Variants in PHF20L1 observed in about 807,000 individuals in gnomAD.
PHF20L1 encodes the protein PHD finger protein 20 like 1.
A neutral mutation model predicts 125.5 loss-of-function variants in PHF20L1; 44 were observed. The observed-to-expected ratio is 0.35, with a 90% confidence interval of 0.28 to 0.45. The LOEUF is 0.45. Ranked by LOEUF, PHF20L1 falls within the 20% of genes least tolerant of loss-of-function variation. PHF20L1 has a pLI of 1.00. For synonymous variants in PHF20L1, 380 were observed against 403.1 expected, an observed-to-expected ratio of 0.94 and a Z score of 0.69; for missense variants, 1,012 against 1,217.2, an observed-to-expected ratio of 0.83 and a Z score of 2.51.
intron 1 of PHF20L1, among the ~76,000 whole-genome samples, chr8:132,776,183 T>C (rs957363095): frequency 6.6e-6 from 1 of 152,202 alleles, no homozygotes; most frequent in Admixed American, 6.5e-5. Flanking sequence ...TTCAAATCCC[T>C]CTTCATCCTT....
At chr8:132,814,598 A>C (rs1834760902) in intron 9 of PHF20L1, 39 bp from the exon 10 acceptor site, 4 of 1,419,970 alleles carry the variant, frequency 2.8e-6, no homozygotes, top group Admixed American at 2.3e-5. Context: ...AAAATGAAGA[A>C]GCCAAAATAA....
chr8:132,797,542 G>T (rs545181417), intron 4 of PHF20L1, among the ~76,000 whole-genome samples: 1 of 152,148 alleles, frequency 6.6e-6, no homozygotes, highest in African/African-American at 2.4e-5. Context: ...CTGGAATGCT[G>T]TATTGAAGAA....
chr8:132,812,230 A>G (rs62514120), intron 9 of PHF20L1: 135,141 of 980,178 alleles, frequency 0.14, 10,271 homozygotes, highest in Non-Finnish European at 0.15. Flanking sequence ...AGATATAACA[A>G]TATTTTGTAT....
intron 7 of PHF20L1, 70 bp from the exon 8 acceptor site, chr8:132,804,545 C>A (rs1390055642): frequency 1.7e-6 from 2 of 1,192,976 alleles, no homozygotes; most frequent in African/African-American, 1.6e-5. Context: ...TACTATTTTG[C>A]TGTTAAAAAA....
At chr8:132,835,469 T>TG (rs1319335833) in intron 15 of PHF20L1, among the ~76,000 whole-genome samples, 3 of 152,094 alleles carry the variant, frequency 2.0e-5, no homozygotes, top group Admixed American at 6.6e-5. Flanking sequence ...TTTCCATTGT[T>TG]ATAAATAAAG....
chr8:132,812,739 C>T (rs902076428), intron 9 of PHF20L1: 13 of 983,476 alleles, frequency 1.3e-5, no homozygotes, highest in African/African-American at 1.7e-5. Flanking sequence ...CTCTTAATTA[C>T]ATCTCAATTG....
intron 1 of PHF20L1, among the ~76,000 whole-genome samples, chr8:132,776,201 C>T (rs982209594): frequency 1.3e-5 from 2 of 152,186 alleles, no homozygotes; most frequent in African/African-American, 4.8e-5. Context: ...CTTCCCTCTT[C>T]GAACCTAAGA....
At chr8:132,798,657 G>T in intron 4 of PHF20L1, 115 bp from the exon 5 acceptor site, 3 of 593,392 alleles carry the variant, frequency 5.1e-6, no homozygotes, top group African/African-American at 1.9e-5. Flanking sequence ...AGGAGCATTT[G>T]TAGTTTTTGC....
intron 9 of PHF20L1, chr8:132,811,713 A>G (rs541008314): frequency 2.0e-6 from 2 of 985,522 alleles, no homozygotes; most frequent in African/African-American, 3.5e-5. Context: ...GGCTACCTTC[A>G]GATTCCCACA....
chr8:132,819,496 C>T (rs143912403), intron 12 of PHF20L1, among the ~76,000 whole-genome samples: 1 of 150,582 alleles, frequency 6.6e-6, no homozygotes, highest in East Asian at 2.0e-4. Flanking sequence ...TGACTGAACA[C>T]CTTTTGATTA....
At chr8:132,812,154 A>G in intron 9 of PHF20L1, 1 of 978,978 alleles carries the variant, frequency 1.0e-6, no homozygotes, top group Non-Finnish European at 1.2e-6. Context: ...CTTTGCCGTT[A>G]TTGTCAATAT....
In PHF20L1 at chr8:132,836,594, G is replaced by A; in HGVS notation, c.1964G>A (p.Ser655Asn). The A allele has an allele frequency of 6.2e-7, 1 of 1,612,338 alleles. No individual in the cohort carries two copies. The highest frequency in any genetic ancestry group is 8.5e-7 in the Non-Finnish European group (1 of 1,178,646). Reference protein sequence around the residue: ...DDSSTESLLLSGDEYNQDFDS... With the variant: ...DDSSTESLLLNGDEYNQDFDS... The stretch of plus-strand genomic sequence containing the variant: ...TCTTCAACGGAGAGTTTGCTTCTGA[G>A]TGGGGATGAATACAATCAGGACTTT... The change falls in exon 16 of 21, where the codon AGT (serine) becomes AAT (asparagine). Residue 655 changes from serine (S) to asparagine (N), a missense_variant. By Grantham distance (46) the Ser-to-Asn change is conservative. Coordinates refer to ENST00000395386, the MANE Select transcript of PHF20L1 (RefSeq NM_016018.5).
intron 14 of PHF20L1, 98 bp downstream of exon 14, chr8:132,825,469 C>G (rs1233631620): frequency 9.4e-6 from 9 of 952,398 alleles, no homozygotes; most frequent in East Asian, 8.4e-5. Context: ...ACACGATCCC[C>G]GTGTCCCGTG....
chr8:132,835,818 T>C lies in PHF20L1; in HGVS notation c.1910-722T>C, dbSNP rs1019583002. Among the ~76,000 whole-genome samples the C allele has an allele frequency of 4.6e-5, 7 of 152,232 alleles. No homozygotes were observed. The East Asian group carries it at 7.7e-4, about 17-fold the overall frequency. ...ATGGCTGCGTTTCTCAAGCAAGTTA[T>C]ATATCCTGTGTTTAAAGTGCTTAAT... On this transcript the variant is annotated intron_variant, in intron 15 of 20. Transcript: ENST00000395386.
chr8:132,781,742 T>C (rs1586841875), intron 2 of PHF20L1, among the ~76,000 whole-genome samples: 1 of 152,272 alleles, frequency 6.6e-6, no homozygotes, highest in East Asian at 1.9e-4. Flanking sequence ...AAAGTAGTGA[T>C]TTATTTTTAT....
chr8:132,784,293 CAAA>C, intron 2 of PHF20L1, among the ~76,000 whole-genome samples: 1 of 151,978 alleles, frequency 6.6e-6, no homozygotes, highest in South Asian at 2.1e-4. Flanking sequence ...TTTTGAAAAA[CAAA>C]AGTATTGGAA....
At chr8:132,825,004 G>C in intron 13 of PHF20L1, 1 of 1,393,324 alleles carries the variant, frequency 7.2e-7, no homozygotes, top group Non-Finnish European at 9.6e-7. Context: ...ACTCATTGAA[G>C]GTTTTAACTA....
intron 2 of PHF20L1, among the ~76,000 whole-genome samples, chr8:132,783,983 A>G (rs1830722657): frequency 1.3e-5 from 2 of 152,202 alleles, no homozygotes; most frequent in Non-Finnish European, 2.9e-5. Context: ...AAAGTGAATC[A>G]TCCAGTTTAA....
chr8:132,826,714 G>A (rs1163581287), intron 14 of PHF20L1: 4 of 152,152 alleles, frequency 2.6e-5, no homozygotes, highest in African/African-American at 9.6e-5. Context: ...TTGCCTCTAA[G>A]GTGGGGAAGG....
Sources: allele counts gnomAD v4.1 joint callset (sites outside exome capture counted in the v4.1 genomes callset), GRCh38; gene constraint gnomAD v4.1.1; transcripts MANE v1.5; gene names NCBI Gene and HGNC (gene_info 2026-07-23, HGNC 2026-07-21).